UTRN: variants seen among roughly 807,000 people sequenced by gnomAD.
UTRN encodes the protein utrophin, also known as dystrophin-related protein 1.
UTRN carries 283 observed loss-of-function variants against 463.9 expected under a neutral mutation model. That is an observed-to-expected ratio of 0.61 (90% confidence interval 0.55 to 0.67). The LOEUF is 0.67. UTRN is among the 30% of genes least tolerant of loss of function. The probability of loss-of-function intolerance (pLI) is 0.00; values close to 1 mark genes in which losing one functional copy is unlikely to be tolerated. For synonymous variants in UTRN, 1,442 were observed against 1,431.5 expected (o/e 1.01, Z -0.17); for missense variants, 3,922 against 4,084.3 (o/e 0.96, Z 1.08).
intron 51 of UTRN, among the ~76,000 whole-genome samples, chr6:144,615,896 G>C (rs1229123709): frequency 2.6e-5 from 4 of 152,046 alleles, no homozygotes; most frequent in Non-Finnish European, 5.9e-5. Flanking sequence ...CCCTTACGCT[G>C]CCCTACCAGG....
chr6:144,329,763 T>C (rs1245096466), intron 2 of UTRN, among the ~76,000 whole-genome samples: 2 of 152,206 alleles, frequency 1.3e-5, no homozygotes, highest in Non-Finnish European at 2.9e-5. Flanking sequence ...TAATAACCCC[T>C]GATAAAGATG....
At chr6:144,789,825 T>A (rs1776608613) in intron 62 of UTRN, among the ~76,000 whole-genome samples, 2 of 152,222 alleles carry the variant, frequency 1.3e-5, no homozygotes, top group African/African-American at 4.8e-5. Context: ...ACATGATTTT[T>A]AAATTTTTAT....
intron 23 of UTRN, among the ~76,000 whole-genome samples, chr6:144,470,200 T>G (rs1790392026): frequency 1.3e-5 from 2 of 152,214 alleles, no homozygotes; most frequent in African/African-American, 4.8e-5. Context: ...TGGCCCGTTC[T>G]CAATGAGCTG....
intron 62 of UTRN, among the ~76,000 whole-genome samples, chr6:144,790,723 G>A (rs11967210): frequency 1.5e-3 from 223 of 152,246 alleles, no homozygotes; most frequent in African/African-American, 5.1e-3. Flanking sequence ...AGCTGAAAAC[G>A]TTATCTTTTT....
chr6:144,526,329 G>A (rs1392253010), intron 41 of UTRN, among the ~76,000 whole-genome samples: 2 of 152,040 alleles, frequency 1.3e-5, no homozygotes, highest in East Asian at 1.9e-4. Flanking sequence ...TCATTTCTTA[G>A]GTCTAGTAGT....
intron 50 of UTRN, 68 bp downstream of exon 50, chr6:144,557,379 C>G: frequency 6.6e-7 from 1 of 1,512,756 alleles, no homozygotes; most frequent in Admixed American, 2.1e-5. Flanking sequence ...TTGGCTTTCT[C>G]GTGGAAACCT....
chr6:144,358,547 G>A (rs558031788), intron 2 of UTRN, among the ~76,000 whole-genome samples: 2 of 152,260 alleles, frequency 1.3e-5, no homozygotes, highest in African/African-American at 4.8e-5. Context: ...GGGGTCCCAT[G>A]GAAATTTTTA....
chr6:144,331,973 T>C (rs1164651695), intron 2 of UTRN, among the ~76,000 whole-genome samples: 1 of 152,222 alleles, frequency 6.6e-6, no homozygotes, highest in Non-Finnish European at 1.5e-5. Context: ...CTGTCCATCA[T>C]TGCCCCATCC....
intron 42 of UTRN, among the ~76,000 whole-genome samples, chr6:144,532,502 C>G (rs754179516): frequency 6.6e-6 from 1 of 152,140 alleles, no homozygotes; most frequent in Non-Finnish European, 1.5e-5. Flanking sequence ...TAGAACAACA[C>G]GAGGGTAACC....
chr6:144,520,034 A>C (rs186151939), intron 39 of UTRN, among the ~76,000 whole-genome samples: 1 of 152,248 alleles, frequency 6.6e-6, no homozygotes, highest in South Asian at 2.1e-4. Flanking sequence ...ATGTCCCTAC[A>C]AGCATAATAA....
At chr6:144,749,101 T>C (rs1791087257) in intron 55 of UTRN, among the ~76,000 whole-genome samples, 1 of 152,164 alleles carries the variant, frequency 6.6e-6, no homozygotes, top group Non-Finnish European at 1.5e-5. Context: ...ATTCTGTTTG[T>C]AGTAAGGAAT....
At chr6:144,626,892 TG>T (rs1350156059) in intron 51 of UTRN, among the ~76,000 whole-genome samples, 5 of 152,200 alleles carry the variant, frequency 3.3e-5, no homozygotes, top group Admixed American at 2.6e-4. Context: ...CCTGGTGTTG[TG>T]GCTTTTCTTA....
At chr6:144,290,221 C>A (rs1269957389) in intron 1 of UTRN, among the ~76,000 whole-genome samples, 1 of 152,146 alleles carries the variant, frequency 6.6e-6, no homozygotes, top group East Asian at 1.9e-4. Flanking sequence ...ATAATATTGT[C>A]TAATACATAG....
chr6:144,732,219 T>TATATATATATATATATACACAC (rs1788623726), intron 54 of UTRN, among the ~76,000 whole-genome samples: 1 of 41,084 alleles, frequency 2.4e-5, no homozygotes, highest in African/African-American at 1.1e-4. Context: ...CTGTTTTATA[T>TATATATATATATATATACACAC]ATATATATAT....
chr6:144,824,785 T>TG (rs1780029300), intron 66 of UTRN, among the ~76,000 whole-genome samples: 1 of 136,748 alleles, frequency 7.3e-6, no homozygotes, highest in African/African-American at 2.8e-5. Context: ...GGGGGGGGTG[T>TG]CCCCCCAGCG....
At position 144,629,338 on chromosome 6, in the gene UTRN, G is replaced by A. The variant is rs182898058; in HGVS notation, c.7480-49068G>A. ...ACCGCCCTTGCAAGAGGCAGCCACC[G>A]ATGCCAGTTTCTTGTGTGCTCTTCC... On this transcript the variant is annotated intron_variant, in intron 51 of 74. Transcript: ENST00000367545. Among the ~76,000 whole-genome samples the A allele has an allele frequency of 1.4e-4, 21 of 152,180 alleles. No homozygotes were observed. In the East Asian group the frequency reaches 2.7e-3, roughly 20 times the overall value.
At chr6:144,464,450 C>T (rs1345013794) in intron 23 of UTRN, among the ~76,000 whole-genome samples, 1 of 151,212 alleles carries the variant, frequency 6.6e-6, no homozygotes, top group Admixed American at 6.6e-5. Context: ...TCAAATAAAC[C>T]AGTAATTATG....
chr6:144,378,164 G>T (rs894374563), intron 2 of UTRN, among the ~76,000 whole-genome samples: 4 of 152,192 alleles, frequency 2.6e-5, no homozygotes, highest in Non-Finnish European at 5.9e-5. Flanking sequence ...TCATCTTGAT[G>T]ATGATGGTCT....
At chr6:144,573,752 G>A (rs1801173221) in intron 50 of UTRN, among the ~76,000 whole-genome samples, 1 of 151,864 alleles carries the variant, frequency 6.6e-6, no homozygotes, top group African/African-American at 2.4e-5. Context: ...TTGTCATTTG[G>A]TAAATACTTG....
Sources: gnomAD v4.1 joint callset for allele counts (sites outside exome capture counted in the v4.1 genomes callset) on GRCh38, gnomAD v4.1.1 for gene constraint, MANE v1.5 for transcripts, NCBI Gene and HGNC (gene_info 2026-07-23, HGNC 2026-07-21) for gene names.